PACS1: variants seen among roughly 807,000 people sequenced by gnomAD.
PACS1 encodes PACS-1.
PACS1 carries 24 observed loss-of-function variants against 115.0 expected under a neutral mutation model. The observed-to-expected ratio is 0.21, with a 90% CI of 0.15 to 0.29. The LOEUF (loss-of-function observed/expected upper bound fraction) is 0.29, where lower values mean the gene tolerates loss of function less well. Among genes scored for constraint, PACS1 ranks in the 10% least tolerant of loss-of-function variants. The pLI, the probability that PACS1 is intolerant of heterozygous loss-of-function variation, is 1.00. For synonymous variants in PACS1, 453 were observed against 504.5 expected, an observed-to-expected ratio of 0.90 and a Z score of 1.37; for missense variants, 838 against 1,251.2, an observed-to-expected ratio of 0.67 and a Z score of 4.98.
chr11:66,196,806 C>T (rs1854662253), intron 2 of PACS1, among the ~76,000 whole-genome samples: 1 of 152,086 alleles, frequency 6.6e-6, no homozygotes, highest in South Asian at 2.1e-4. Context: ...CCATGTTGGC[C>T]AGGTTGGTCT....
intron 2 of PACS1, among the ~76,000 whole-genome samples, chr11:66,199,176 G>A (rs183340197): frequency 7.2e-5 from 11 of 152,152 alleles, no homozygotes; most frequent in Admixed American, 2.0e-4. Flanking sequence ...TTAGCCAAGC[G>A]TGGTGGCGGG....
At chr11:66,221,821 C>A (rs1268593835) in intron 10 of PACS1, among the ~76,000 whole-genome samples, 1 of 152,078 alleles carries the variant, frequency 6.6e-6, no homozygotes, top group East Asian at 1.9e-4. Flanking sequence ...AGAATACATA[C>A]AATCTCCCCC....
At chr11:66,150,479 A>AG (rs1565125348) in intron 1 of PACS1, among the ~76,000 whole-genome samples, 1 of 151,914 alleles carries the variant, frequency 6.6e-6, no homozygotes, top group Non-Finnish European at 1.5e-5. Context: ...ATAGAAAAAA[A>AG]AAAGAAACAT....
chr11:66,140,546 G>A (rs753588631), intron 1 of PACS1, among the ~76,000 whole-genome samples: 10 of 151,934 alleles, frequency 6.6e-5, no homozygotes, highest in East Asian at 1.9e-4. Context: ...ACTTTGTTTC[G>A]TTTTTTTAAA....
chr11:66,070,752 GC>G lies in PACS1; in HGVS notation c.269del (p.Pro90ArgfsTer12). ...AVASGSAPPG[G>X]PGPGRTPAPV... ...GCCTCGGGCTCCGCGCCTCCCGGTG[GC>G]CCGGGGCCAGGCCGCACCCCCGCCC... is the stretch of plus-strand genomic sequence containing the variant. On this transcript the variant is annotated frameshift_variant, in exon 1 of 24. Coordinates refer to ENST00000320580, the MANE Select transcript of PACS1 (RefSeq NM_018026.4). LOFTEE classifies it high-confidence loss of function. The surrounding 1 kb of genome is among the most constrained non-coding windows in gnomAD (Gnocchi z 5.9). The G allele has an allele frequency of 1.9e-6, 3 of 1,554,932 alleles. No homozygotes were observed. Among genetic ancestry groups the G allele is most frequent in the Non-Finnish European group, 2.6e-6 (3 of 1,158,402 alleles).
At chr11:66,152,612 C>T in intron 1 of PACS1, among the ~76,000 whole-genome samples, 1 of 152,152 alleles carries the variant, frequency 6.6e-6, no homozygotes, top group Admixed American at 6.5e-5. Flanking sequence ...ATCTTAAAAG[C>T]AGATAGAGAT....
chr11:66,112,279 G>A (rs1261778525), intron 1 of PACS1, among the ~76,000 whole-genome samples: 3 of 151,942 alleles, frequency 2.0e-5, no homozygotes, highest in African/African-American at 7.3e-5. Context: ...TACCCTCTTC[G>A]CCTAGTTTGC....
intron 1 of PACS1, among the ~76,000 whole-genome samples, chr11:66,188,400 C>T (rs894949290): frequency 4.6e-5 from 7 of 152,118 alleles, no homozygotes; most frequent in Non-Finnish European, 8.8e-5. Context: ...CAAACACACA[C>T]ACATATATGT....
intron 1 of PACS1, among the ~76,000 whole-genome samples, chr11:66,168,745 T>C (rs1009530604): frequency 7.0e-6 from 1 of 142,636 alleles, no homozygotes; most frequent in Non-Finnish European, 1.5e-5. Context: ...AAATAGTATA[T>C]ATATATATGT....
intron 1 of PACS1, among the ~76,000 whole-genome samples, chr11:66,178,647 A>C (rs1859933152): frequency 2.0e-5 from 3 of 152,128 alleles, no homozygotes; most frequent in African/African-American, 7.2e-5. Context: ...TTAAAATAAA[A>C]ATGGATGTTT....
chr11:66,090,061 CTCT>C (rs1457519721), intron 1 of PACS1, among the ~76,000 whole-genome samples: 1 of 142,492 alleles, frequency 7.0e-6, no homozygotes, highest in East Asian at 2.1e-4. Context: ...TATTTGTTAA[CTCT>C]TCTTTGCCGG....
intron 19 of PACS1, among the ~76,000 whole-genome samples, chr11:66,237,691 C>T (rs1855731841): frequency 6.6e-6 from 1 of 152,192 alleles, no homozygotes; most frequent in Non-Finnish European, 1.5e-5. Flanking sequence ...AGTTGCTGCT[C>T]ACTCAGGCCT....
At chr11:66,239,595 C>A (rs939244631) in intron 21 of PACS1, among the ~76,000 whole-genome samples, 1 of 152,224 alleles carries the variant, frequency 6.6e-6, no homozygotes, top group Non-Finnish European at 1.5e-5. Flanking sequence ...AGGACACTTT[C>A]TGCCCTGTTT....
intron 1 of PACS1, among the ~76,000 whole-genome samples, chr11:66,107,322 T>C (rs756671331): frequency 2.6e-5 from 4 of 152,316 alleles, no homozygotes; most frequent in Non-Finnish European, 2.9e-5. Flanking sequence ...TTTGCTCATG[T>C]GTCATCCATC....
intron 1 of PACS1, among the ~76,000 whole-genome samples, chr11:66,071,669 G>A (rs1028412695): frequency 6.6e-6 from 1 of 152,202 alleles, no homozygotes; most frequent in Non-Finnish European, 1.5e-5. Context: ...AAGACGGTGT[G>A]TGGAGCTGGT....
At chr11:66,082,059 A>G (rs555983925) in intron 1 of PACS1, among the ~76,000 whole-genome samples, 1 of 152,286 alleles carries the variant, frequency 6.6e-6, no homozygotes, top group Admixed American at 6.5e-5. Flanking sequence ...ATCTACAATT[A>G]TATTTACTTG....
At chr11:66,238,336 A>C (rs1286944986) in intron 19 of PACS1, 1 of 985,106 alleles carries the variant, frequency 1.0e-6, no homozygotes. Flanking sequence ...ACATCAGGAC[A>C]TCACAGTGAT....
At chr11:66,110,476 C>A (rs1858162869) in intron 1 of PACS1, among the ~76,000 whole-genome samples, 1 of 152,032 alleles carries the variant, frequency 6.6e-6, no homozygotes, top group South Asian at 2.1e-4. Context: ...TAGCTAAATG[C>A]CTCTTGATTT....
intron 1 of PACS1, among the ~76,000 whole-genome samples, chr11:66,188,024 A>G (rs1854424469): frequency 6.6e-6 from 1 of 151,802 alleles, no homozygotes; most frequent in Admixed American, 6.6e-5. Flanking sequence ...GGAATATGAT[A>G]CCTCATTGTG....
Sources: allele counts gnomAD v4.1 joint callset (sites outside exome capture counted in the v4.1 genomes callset), GRCh38; gene constraint gnomAD v4.1.1; non-coding constraint Gnocchi (gnomAD v3.1); transcripts MANE v1.5; gene names NCBI Gene and HGNC (gene_info 2026-07-23, HGNC 2026-07-21).